The following MRPS9 variants were observed in gnomAD, a reference collection of about 807,000 sequenced individuals.
MRPS9 encodes the protein small ribosomal subunit protein uS9m.
Under a neutral mutation model 59.9 loss-of-function variants are expected in MRPS9, and 45 were observed. The ratio of observed to expected loss-of-function variants is 0.75; its 90% CI spans 0.59 to 0.96. The LOEUF (loss-of-function observed/expected upper bound fraction) is 0.96. Ranked by LOEUF, MRPS9 falls within the 40% of genes least tolerant of loss-of-function variation. The pLI is 0.00. For synonymous variants in MRPS9, 171 were observed against 166.8 expected (o/e 1.03, Z -0.19); for missense variants, 473 against 481.1 (o/e 0.98, Z 0.16).
chr2:105,048,286 G>C (rs1035327039), intron 1 of MRPS9, among the ~76,000 whole-genome samples: 8 of 151,786 alleles, frequency 5.3e-5, no homozygotes, highest in Non-Finnish European at 1.0e-4. Context: ...CTCACTCATA[G>C]GTAGGAATTG....
intron 9 of MRPS9, 23 bp downstream of exon 9, chr2:105,093,661 T>C: frequency 7.4e-7 from 1 of 1,357,384 alleles, no homozygotes; most frequent in Non-Finnish European, 1.0e-6. Context: ...TTCTGATTTT[T>C]TGTTTTTAAA....
intron 7 of MRPS9, among the ~76,000 whole-genome samples, chr2:105,090,775 A>G (rs1680542694): frequency 6.6e-6 from 1 of 151,974 alleles, no homozygotes; most frequent in South Asian, 2.1e-4. Context: ...AATTTTTCCA[A>G]GATGGAGATT....
At chr2:105,046,478 C>T (rs1199366595) in intron 1 of MRPS9, among the ~76,000 whole-genome samples, 1 of 151,916 alleles carries the variant, frequency 6.6e-6, no homozygotes, top group Admixed American at 6.6e-5. Flanking sequence ...GATTAACAGA[C>T]CTGTATCTGA....
At chr2:105,076,391 G>A (rs560305359) in intron 4 of MRPS9, among the ~76,000 whole-genome samples, 1 of 152,322 alleles carries the variant, frequency 6.6e-6, no homozygotes, top group Non-Finnish European at 1.5e-5. Context: ...GGTAGCAAAT[G>A]AATTGCAATC....
chr2:105,056,931 G>A (rs1393958204), intron 2 of MRPS9, among the ~76,000 whole-genome samples: 1 of 152,018 alleles, frequency 6.6e-6, no homozygotes, highest in African/African-American at 2.4e-5. Flanking sequence ...TCATTATTAA[G>A]GCTACAGGAT....
intron 8 of MRPS9, among the ~76,000 whole-genome samples, chr2:105,093,057 C>T (rs892321616): frequency 6.6e-6 from 1 of 152,142 alleles, no homozygotes; most frequent in African/African-American, 2.4e-5. Flanking sequence ...AAAGATTTCA[C>T]GTCATTGTCA....
chr2:105,097,530 A>T (rs974076125), intron 10 of MRPS9: 1 of 431,546 alleles, frequency 2.3e-6, no homozygotes, highest in African/African-American at 2.0e-5. Flanking sequence ...GAAAAAGGGG[A>T]GAACTCCCCA....
In MRPS9 at chr2:105,089,085, G is replaced by A. The variant is rs1680507428; in HGVS notation, c.575+16G>A. ...CTGTAACCAGGTAAGCTCTTTTCTT[G>A]CATTAAAATATAAGTAAAATTTGAA... On this transcript the variant is annotated intron_variant, in intron 6 of 10. Coordinates refer to ENST00000258455, the MANE Select transcript of MRPS9 (RefSeq NM_182640.3). 1 of 1,583,442 alleles carries A rather than the reference G, an allele frequency of 6.3e-7. No individual in the cohort carries two copies. The highest frequency in any genetic ancestry group is 8.6e-7 in the Non-Finnish European group (1 of 1,159,194).
chr2:105,092,720 G>T, intron 8 of MRPS9, 151 bp downstream of exon 8: 1 of 802,422 alleles, frequency 1.2e-6, no homozygotes, highest in East Asian at 2.8e-5. Context: ...TTAAGATTCT[G>T]TTGAAGTTTT....
intron 4 of MRPS9, among the ~76,000 whole-genome samples, chr2:105,079,753 T>A (rs1680290915): frequency 1.3e-5 from 2 of 152,238 alleles, no homozygotes. Flanking sequence ...TTTAGTAATT[T>A]TTAAATTAAA....
chr2:105,083,275 C>T (rs917046610), intron 5 of MRPS9, among the ~76,000 whole-genome samples: 3 of 152,120 alleles, frequency 2.0e-5, no homozygotes, highest in African/African-American at 7.2e-5. Flanking sequence ...TGTGACTAGC[C>T]TAGGTGTAGA....
At chr2:105,048,498 A>G (rs567415002) in intron 1 of MRPS9, among the ~76,000 whole-genome samples, 2 of 152,026 alleles carry the variant, frequency 1.3e-5, no homozygotes, top group African/African-American at 4.8e-5. Context: ...AACTTAAAGT[A>G]TAATAATAAT....
intron 2 of MRPS9, among the ~76,000 whole-genome samples, chr2:105,057,468 G>C (rs981769753): frequency 6.6e-6 from 1 of 152,130 alleles, no homozygotes; most frequent in African/African-American, 2.4e-5. Flanking sequence ...GAGTCTTGTT[G>C]TTTAGTGTAA....
intron 9 of MRPS9, among the ~76,000 whole-genome samples, chr2:105,096,311 C>T (rs972370257): frequency 2.6e-5 from 4 of 152,212 alleles, no homozygotes; most frequent in South Asian, 2.1e-4. Flanking sequence ...AGAAAGCAAA[C>T]GCAATATAAG....
chr2:105,044,184 C>T (rs917665807), intron 1 of MRPS9, among the ~76,000 whole-genome samples: 2 of 151,584 alleles, frequency 1.3e-5, no homozygotes, highest in Non-Finnish European at 2.9e-5. Context: ...CCGCCCACTT[C>T]GGCCTCCCAA....
intron 7 of MRPS9, 31 bp from the exon 8 acceptor site, chr2:105,092,370 G>T (rs1263982012): frequency 1.3e-6 from 2 of 1,552,996 alleles, no homozygotes; most frequent in Non-Finnish European, 1.7e-6. Flanking sequence ...AATTACACTT[G>T]CACCTTCTAA....
In MRPS9 at chr2:105,071,303, A is replaced by G. The variant is rs373076764; in HGVS notation, c.316-10A>G. 737 of 1,608,016 alleles carry G rather than the reference A, an allele frequency of 4.6e-4. No individual in the cohort carries two copies. Among genetic ancestry groups the G allele is most frequent in the Non-Finnish European group, 5.7e-4 (676 of 1,177,534 alleles). The stretch of plus-strand genomic sequence containing the variant: ...AACAGTTGTTAACTAACCTTTGTGT[A>G]TATTTTCAGAGAGCTATTGCTTACC... On this transcript the variant is annotated splice_polypyrimidine_tract_variant and intron_variant, in intron 2 of 10. Coordinates refer to ENST00000258455, the MANE Select transcript of MRPS9 (RefSeq NM_182640.3).
chr2:105,064,153 A>G (rs554030551), intron 2 of MRPS9, among the ~76,000 whole-genome samples: 1 of 152,184 alleles, frequency 6.6e-6, no homozygotes, highest in Non-Finnish European at 1.5e-5. Context: ...ACTCTGAGGA[A>G]GCAGCACTTA....
Position 105,046,522 on chromosome 2 carries a change from C to G in MRPS9, c.136-2649C>G, listed in dbSNP as rs1398484538. Among the ~76,000 whole-genome samples the G allele has an allele frequency of 3.9e-5, 6 of 151,980 alleles. No homozygotes were observed. The East Asian group carries it at 1.2e-3, about 29-fold the overall frequency. ...TCTGTCCATGCTCACACCCACAAAG[C>G]CACCTGCCTCCTGGACATCTGTCTT... is the stretch of plus-strand genomic sequence containing the variant. On this transcript the variant is annotated intron_variant, in intron 1 of 10. Coordinates refer to ENST00000258455, the MANE Select transcript of MRPS9 (RefSeq NM_182640.3).
Sources: gnomAD v4.1 joint callset for allele counts (sites outside exome capture counted in the v4.1 genomes callset) on GRCh38, gnomAD v4.1.1 for gene constraint, MANE v1.5 for transcripts, NCBI Gene and HGNC (gene_info 2026-07-23, HGNC 2026-07-21) for gene names.